NTRK3: variants seen among roughly 807,000 people sequenced by gnomAD.
The protein encoded by NTRK3 is neurotrophic receptor tyrosine kinase 3, also known as NT-3 growth factor receptor.
Under a neutral mutation model 91.7 loss-of-function variants are expected in NTRK3, and 24 were observed. The observed-to-expected ratio is 0.26, with a 90% confidence interval of 0.19 to 0.37. NTRK3 has a LOEUF of 0.37. NTRK3 is among the 10% of genes least tolerant of loss of function. The pLI is 1.00. For synonymous variants in NTRK3, 483 were observed against 404.0 expected, an observed-to-expected ratio of 1.20 and a Z score of -2.34; for missense variants, 880 against 1,068.9, an observed-to-expected ratio of 0.82 and a Z score of 2.46.
At chr15:88,148,926 G>C (rs974266691) in intron 5 of NTRK3, among the ~76,000 whole-genome samples, 8 of 152,104 alleles carry the variant, frequency 5.3e-5, no homozygotes, top group African/African-American at 1.9e-4. Context: ...GAAGTGAGTG[G>C]CCAGGTAAAT....
At chr15:87,988,243 A>G (rs893125260) in intron 14 of NTRK3, among the ~76,000 whole-genome samples, 4 of 152,224 alleles carry the variant, frequency 2.6e-5, no homozygotes, top group Non-Finnish European at 4.4e-5. Flanking sequence ...ATTGAGAGAT[A>G]TTCTACATGA....
intron 14 of NTRK3, among the ~76,000 whole-genome samples, chr15:88,018,230 G>A (rs2077371262): frequency 6.6e-6 from 1 of 152,310 alleles, no homozygotes; most frequent in Middle Eastern, 3.4e-3. Flanking sequence ...CTCCTGGGGT[G>A]GACACACGGA....
chr15:88,177,764 T>C (rs1322002979), intron 5 of NTRK3, among the ~76,000 whole-genome samples: 1 of 152,260 alleles, frequency 6.6e-6, no homozygotes, highest in East Asian at 1.9e-4. Context: ...CTCTTCCAGC[T>C]TTAACTATCT....
chr15:88,056,036 T>G (rs1236020236), intron 13 of NTRK3, among the ~76,000 whole-genome samples: 1 of 151,970 alleles, frequency 6.6e-6, no homozygotes, highest in East Asian at 1.9e-4. Context: ...GTGGGCAAAC[T>G]GGAGAGAAAG....
intron 6 of NTRK3, among the ~76,000 whole-genome samples, chr15:88,145,902 A>G (rs1267705082): frequency 6.6e-6 from 1 of 152,166 alleles, no homozygotes; most frequent in Non-Finnish European, 1.5e-5. Context: ...AACAGACTGA[A>G]AACACTGGGA....
In NTRK3 at chr15:87,863,285, T is replaced by C. The variant is rs539253306; in HGVS notation, c.*13650A>G. 23 of 225,954 alleles carry C rather than the reference T, an allele frequency of 1.0e-4. No homozygotes were observed. In the South Asian group the frequency reaches 3.5e-3, roughly 34 times the overall value. 14.0% of individuals were successfully genotyped at this position (225,954 alleles called of 1,614,324 possible). ...TCTTCCAAGTTGAGGCTCCGGTAGA[T>C]AGGAAATAAAGGAAAACAAAACAAC... On this transcript the variant is annotated 3_prime_UTR_variant, in exon 19 of 19. Transcript: ENST00000394480.
chr15:88,207,049 A>T (rs940065829), intron 3 of NTRK3, among the ~76,000 whole-genome samples: 30 of 152,156 alleles, frequency 2.0e-4, no homozygotes, highest in African/African-American at 7.2e-4. Flanking sequence ...TCAAACTCGG[A>T]GTCACTGGCT....
chr15:88,152,692 TG>T (rs2043498635), intron 5 of NTRK3, among the ~76,000 whole-genome samples: 1 of 152,228 alleles, frequency 6.6e-6, no homozygotes, highest in African/African-American at 2.4e-5. Flanking sequence ...TCATTTGCCC[TG>T]AGGCCTTAAC....
At chr15:88,231,264 T>C (rs1029929985) in intron 3 of NTRK3, among the ~76,000 whole-genome samples, 2 of 152,108 alleles carry the variant, frequency 1.3e-5, no homozygotes, top group African/African-American at 4.8e-5. Context: ...AAAATCAGCA[T>C]TGTTTAACAT....
At chr15:87,948,593 C>A (rs1285997859) in intron 14 of NTRK3, among the ~76,000 whole-genome samples, 1 of 152,180 alleles carries the variant, frequency 6.6e-6, no homozygotes, top group Non-Finnish European at 1.5e-5. Flanking sequence ...GAAGCTGAAG[C>A]AGGAGAATCG....
chr15:88,111,265 T>C (rs1324580574), intron 13 of NTRK3, among the ~76,000 whole-genome samples: 1 of 152,098 alleles, frequency 6.6e-6, no homozygotes, highest in African/African-American at 2.4e-5. Context: ...TCAGGTGCAA[T>C]ATGGAATTGA....
chr15:87,940,698 T>C (rs754447983), exon 15 of NTRK3: 1 of 1,613,912 alleles, frequency 6.2e-7, no homozygotes, highest in Admixed American at 1.7e-5. Context: ...TTCCAAAGGC[T>C]CCCTCACCCA....
chr15:88,157,307 G>T (rs112042583), intron 5 of NTRK3, among the ~76,000 whole-genome samples: 1 of 151,654 alleles, frequency 6.6e-6, no homozygotes, highest in Non-Finnish European at 1.5e-5. Context: ...AGCTGTCTCC[G>T]TCTGGCTCCA....
intron 6 of NTRK3, among the ~76,000 whole-genome samples, chr15:88,145,669 C>A (rs532138738): frequency 6.6e-6 from 1 of 152,296 alleles, no homozygotes; most frequent in African/African-American, 2.4e-5. Context: ...GAGCACTGAA[C>A]ATTTTCTCAA....
intron 3 of NTRK3, among the ~76,000 whole-genome samples, chr15:88,211,020 T>C (rs533551036): frequency 3.3e-5 from 5 of 152,342 alleles, no homozygotes; most frequent in African/African-American, 9.6e-5. Flanking sequence ...TTGTTTTAAT[T>C]GAGGGCAAAT....
chr15:87,877,208 G>A lies in NTRK3; in HGVS notation c.2293-88C>T, dbSNP rs141446230. 95 of 1,384,682 alleles carry A rather than the reference G, an allele frequency of 6.9e-5. No homozygotes were observed. In the East Asian group the frequency reaches 7.8e-4, roughly 11 times the overall value. 85.8% of individuals were successfully genotyped at this position (1,384,682 alleles called of 1,614,324 possible). ...ACTCGGCAAAAAGCAACAACTTCCC[G>A]GATTAGTTTCTATGCAGAGCCGAGG... is the stretch of plus-strand genomic sequence containing the variant. On this transcript the variant is annotated intron_variant, in intron 18 of 18. Coordinates refer to ENST00000394480, the Ensembl canonical transcript of NTRK3.
At chr15:88,000,939 A>C (rs1480562424) in intron 14 of NTRK3, among the ~76,000 whole-genome samples, 1 of 152,198 alleles carries the variant, frequency 6.6e-6, no homozygotes, top group Non-Finnish European at 1.5e-5. Context: ...TATTTCCCAA[A>C]GCAGCTGCAT....
intron 17 of NTRK3, among the ~76,000 whole-genome samples, chr15:87,904,589 C>T (rs1351189695): frequency 6.6e-6 from 1 of 152,046 alleles, no homozygotes; most frequent in Admixed American, 6.6e-5. Flanking sequence ...ATTCCCAGAC[C>T]GAGGCACACT....
At chr15:88,126,553 A>T (rs907388229) in intron 12 of NTRK3, among the ~76,000 whole-genome samples, 180 bp from the exon 13 acceptor site, 1 of 152,238 alleles carries the variant, frequency 6.6e-6, no homozygotes, top group Non-Finnish European at 1.5e-5. Flanking sequence ...AGAACATTTA[A>T]AAGTATATAA....
Sources: allele counts gnomAD v4.1 joint callset (sites outside exome capture counted in the v4.1 genomes callset), GRCh38; gene constraint gnomAD v4.1.1; transcripts MANE v1.5; gene names NCBI Gene and HGNC (gene_info 2026-07-23, HGNC 2026-07-21).